Variants in FAF1 observed in about 807,000 individuals in gnomAD.
FAF1 encodes FAS-associated factor 1.
A neutral mutation model predicts 92.5 loss-of-function variants in FAF1; 25 were observed. The ratio of observed to expected loss-of-function variants is 0.27; its 90% CI spans 0.20 to 0.38. The LOEUF is 0.38. Ranked by LOEUF, FAF1 falls within the 10% of genes least tolerant of loss-of-function variation. FAF1 has a pLI of 1.00. For synonymous variants in FAF1, 234 were observed against 273.2 expected (o/e 0.86, Z 1.42); for missense variants, 636 against 793.3 (o/e 0.80, Z 2.38).
chr1:50,711,410 T>C (rs1438901929), intron 6 of FAF1, among the ~76,000 whole-genome samples: 1 of 152,088 alleles, frequency 6.6e-6, no homozygotes, highest in East Asian at 1.9e-4. Flanking sequence ...AATAAAACCT[T>C]GTTTTGATCA....
intron 8 of FAF1, among the ~76,000 whole-genome samples, chr1:50,611,164 A>G (rs536559948): frequency 6.6e-6 from 1 of 152,316 alleles, no homozygotes; most frequent in South Asian, 2.1e-4. Flanking sequence ...CACTTTGTTA[A>G]TTCTTTTGTG....
intron 18 of FAF1, among the ~76,000 whole-genome samples, chr1:50,459,537 C>G (rs930869827): frequency 4.6e-5 from 7 of 152,164 alleles, no homozygotes; most frequent in Non-Finnish European, 8.8e-5. Flanking sequence ...GGCTGGAGAC[C>G]TCTAAGTCAC....
intron 4 of FAF1, among the ~76,000 whole-genome samples, chr1:50,746,468 T>C (rs1341971368): frequency 6.7e-6 from 1 of 150,072 alleles, no homozygotes; most frequent in Non-Finnish European, 1.5e-5. Flanking sequence ...CACACCTGGC[T>C]AATTTTGTAT....
At chr1:50,852,970 T>C (rs989812704) in intron 2 of FAF1, among the ~76,000 whole-genome samples, 19 of 152,192 alleles carry the variant, frequency 1.2e-4, no homozygotes, top group Non-Finnish European at 2.5e-4. Flanking sequence ...TGAGCTATTC[T>C]TTCACAGTAA....
chr1:50,826,388 T>C (rs7518633), intron 2 of FAF1, among the ~76,000 whole-genome samples: 2,097 of 151,500 alleles, frequency 0.014, 46 homozygotes, highest in African/African-American at 0.047. Context: ...CCGTCTCTAC[T>C]AAAATACAAA....
intron 2 of FAF1, among the ~76,000 whole-genome samples, chr1:50,819,778 CATATATATACATATA>C (rs1644024524): frequency 3.3e-5 from 1 of 30,438 alleles, no homozygotes; most frequent in Non-Finnish European, 7.4e-5. Context: ...TATATATATA[CATATATATACATATA>C]TATATATACA....
rs573520172 is a variant in FAF1, at chr1:50,594,657, G to A, written c.840+1464C>T. On this transcript the variant is annotated intron_variant, in intron 9 of 18. Coordinates refer to ENST00000396153, the MANE Select transcript of FAF1 (RefSeq NM_007051.3). ...GGTGGGGGTTGGGGGTGGATCACGA[G>A]GTCAGGAGTTCGAGACCAGCCTGGC... Among the ~76,000 whole-genome samples the A allele has an allele frequency of 3.4e-3, 515 of 151,554 alleles. 3 individuals carry two copies. The highest frequency in any genetic ancestry group is 0.01 in the Middle Eastern group (3 of 294).
chr1:50,757,753 A>G (rs1660137078), intron 4 of FAF1, among the ~76,000 whole-genome samples: 1 of 152,032 alleles, frequency 6.6e-6, no homozygotes, highest in Non-Finnish European at 1.5e-5. Context: ...TATTATAATT[A>G]TTTATATGGT....
intron 1 of FAF1, among the ~76,000 whole-genome samples, chr1:50,884,184 T>C (rs777106462): frequency 2.0e-5 from 3 of 151,790 alleles, no homozygotes; most frequent in Admixed American, 6.6e-5. Context: ...CAAACTTGTA[T>C]GTATACATAG....
intron 1 of FAF1, among the ~76,000 whole-genome samples, chr1:50,901,074 T>C (rs1198144098): frequency 2.0e-5 from 3 of 152,194 alleles, no homozygotes; most frequent in Non-Finnish European, 2.9e-5. Context: ...TTTCAAAATG[T>C]ATTATATATT....
intron 1 of FAF1, among the ~76,000 whole-genome samples, chr1:50,935,566 G>A (rs1645079608): frequency 6.6e-6 from 1 of 151,700 alleles, no homozygotes; most frequent in Non-Finnish European, 1.5e-5. Flanking sequence ...TGCCTCCCAG[G>A]TTCAAGCAAT....
At chr1:50,686,682 A>G (rs1217581554) in intron 7 of FAF1, among the ~76,000 whole-genome samples, 1 of 152,136 alleles carries the variant, frequency 6.6e-6, no homozygotes, top group Non-Finnish European at 1.5e-5. Flanking sequence ...CCAGTGCTTA[A>G]TATCAAACTC....
rs1483576446 is a variant in FAF1 at position 50,705,508 on chromosome 1, T to TA, written c.657+277dup. 3.3e-5 allele frequency among the ~76,000 whole-genome samples: 5 copies of TA among 152,212 alleles called. 1 individual carries two copies. The highest frequency in any genetic ancestry group is 1.3e-4 in the Admixed American group (2 of 15,272). On this transcript the variant is annotated intron_variant, in intron 7 of 18. Coordinates refer to ENST00000396153, the MANE Select transcript of FAF1 (RefSeq NM_007051.3). ...TCCATAGTATTTTGAATAATGACTA[T>TA]AAAACCATGAAATATATTACATAAT...
chr1:50,579,990 C>G (rs937709318), intron 12 of FAF1, among the ~76,000 whole-genome samples: 1 of 152,002 alleles, frequency 6.6e-6, no homozygotes. Context: ...AGGAGAATAT[C>G]ATTATTTTTG....
intron 1 of FAF1, among the ~76,000 whole-genome samples, chr1:50,888,402 C>A (rs1426886329): frequency 6.6e-6 from 1 of 152,156 alleles, no homozygotes. Context: ...GCCAGAACTT[C>A]CAACACTATG....
intron 18 of FAF1, among the ~76,000 whole-genome samples, chr1:50,459,971 T>C (rs116674217): frequency 3.2e-3 from 486 of 152,320 alleles, no homozygotes; most frequent in South Asian, 6.6e-3. Context: ...TGTCCTCAAT[T>C]AGTGGACGTA....
At chr1:50,954,540 ATTTTTTTTT>A (rs199964324) in intron 1 of FAF1, among the ~76,000 whole-genome samples, 3 of 120,372 alleles carry the variant, frequency 2.5e-5, no homozygotes, top group Non-Finnish European at 3.3e-5. Context: ...AAAAATTTTG[ATTTTTTTTT>A]TTTTTTTTTT....
intron 4 of FAF1, among the ~76,000 whole-genome samples, chr1:50,778,990 C>A (rs1162070678): frequency 2.0e-5 from 3 of 152,190 alleles, no homozygotes; most frequent in African/African-American, 7.2e-5. Flanking sequence ...TCAAACCCTG[C>A]CACTGTTTTA....
intron 15 of FAF1, among the ~76,000 whole-genome samples, chr1:50,533,417 C>T (rs546833629): frequency 2.6e-5 from 4 of 152,084 alleles, no homozygotes; most frequent in African/African-American, 9.6e-5. Context: ...TTTCAAGTTA[C>T]TTTATTTTAT....
Sources: gnomAD v4.1 joint callset for allele counts (sites outside exome capture counted in the v4.1 genomes callset) on GRCh38, gnomAD v4.1.1 for gene constraint, MANE v1.5 for transcripts, NCBI Gene and HGNC (gene_info 2026-07-23, HGNC 2026-07-21) for gene names.